The following PACRGL variants were observed in gnomAD, a reference collection of about 807,000 sequenced individuals.
The protein encoded by PACRGL is parkin coregulated like, also known as PACRG-like protein.
A neutral mutation model predicts 34.5 loss-of-function variants in PACRGL; 38 were observed. The ratio of observed to expected loss-of-function variants is 1.10; its 90% CI spans 0.85 to 1.44. The LOEUF (loss-of-function observed/expected upper bound fraction) is 1.44, where lower values mean the gene tolerates loss of function less well. Among genes scored for constraint, PACRGL ranks in the 40% most tolerant of loss-of-function variants. The pLI is 0.00. For missense variants in PACRGL, 305 were observed against 281.4 expected (o/e 1.08, Z -0.60); for synonymous variants, 128 against 100.1 (o/e 1.28, Z -1.66).
downstream of PACRGL, among the ~76,000 whole-genome samples, chr4:20,753,190 A>C (rs1350776904): frequency 1.3e-5 from 2 of 152,162 alleles, no homozygotes; most frequent in Non-Finnish European, 2.9e-5. Context: ...CAAAGGTAAA[A>C]ATAGGGACTT....
At chr4:20,739,123 G>A (rs1750431627) in intron 8 of PACRGL, among the ~76,000 whole-genome samples, 1 of 152,178 alleles carries the variant, frequency 6.6e-6, no homozygotes, top group African/African-American at 2.4e-5. Context: ...AGCTCAAGGA[G>A]GCCTGCCTGC....
the PACRGL span, chr4:20,758,791 G>A: frequency 2.9e-3 from 4,377 of 1,535,356 alleles, 110 homozygotes; most frequent in South Asian, 0.038. Context: ...AACTCTGATA[G>A]TATGTTAACA....
intron 8 of PACRGL, among the ~76,000 whole-genome samples, chr4:20,742,480 C>T (rs1481199557): frequency 6.6e-6 from 1 of 152,150 alleles, no homozygotes; most frequent in East Asian, 1.9e-4. Context: ...ATGATTATCT[C>T]AACAGACACA....
At position 20,729,619 on chromosome 4, in the gene PACRGL, T is replaced by TGTTTGTTTCCTTAAAGTATA. The variant is rs1560393784; in HGVS notation, c.*2278_*2279insGTTTGTTTCCTTAAAGTATA. On this transcript the variant is annotated 3_prime_UTR_variant, in exon 9 of 9. Coordinates refer to ENST00000503585, the MANE Select transcript of PACRGL (RefSeq NM_001258345.3). The stretch of plus-strand genomic sequence containing the variant: ...TTTCCTTAAAGTATATAAATGGAAT[T>TGTTTGTTTCCTTAAAGTATA]TAAATGGAATTACAGCATTCAAACA... 1.4e-5 allele frequency: 1 copy of TGTTTGTTTCCTTAAAGTATA among 69,920 alleles called. No individual in the cohort carries two copies. Among genetic ancestry groups the TGTTTGTTTCCTTAAAGTATA allele is most frequent in the African/African-American group, 7.5e-5 (1 of 13,320 alleles). 4.3% of individuals were successfully genotyped at this position (69,920 alleles called of 1,614,324 possible). A position where few individuals can be genotyped will look rare whatever the true frequency, so the allele number is the denominator to read the frequency against.
Position 20,727,298 on chromosome 4 carries a change from T to G in PACRGL, c.704T>G (p.Ile235Ser). 1 of 1,612,850 alleles carries G rather than the reference T, an allele frequency of 6.2e-7. No homozygotes were observed. Residue 235 changes from isoleucine (I) to serine (S), a missense_variant, in exon 9 of 9, where the codon ATC becomes AGC. Coordinates refer to ENST00000503585, the MANE Select transcript of PACRGL (RefSeq NM_001258345.3). ...TTCTGTTGACAGGGGAGCCTTAGCA[T>G]CATCAAATCTAAAATTCCAACATAC... ...EQHGGSGSLS[I>S]IKSKIPTYCS... is the part of the protein sequence containing the mutation.
chr4:20,752,409 A>T (rs767067252), intron 8 of PACRGL, among the ~76,000 whole-genome samples: 14 of 152,228 alleles, frequency 9.2e-5, no homozygotes, highest in Admixed American at 6.5e-5. Context: ...CAAAGTGTTT[A>T]GAAATAATCC....
downstream of PACRGL, among the ~76,000 whole-genome samples, chr4:20,737,502 G>A (rs1008863540): frequency 1.3e-5 from 2 of 151,730 alleles, no homozygotes; most frequent in Non-Finnish European, 2.9e-5. Context: ...GGGTAGATGG[G>A]CCGATCTGAG....
intron 7 of PACRGL, among the ~76,000 whole-genome samples, chr4:20,721,361 C>T (rs1743074572): frequency 6.6e-6 from 1 of 152,182 alleles, no homozygotes; most frequent in African/African-American, 2.4e-5. Context: ...AGTTCCGTTT[C>T]TGGTGAGGAG....
At chr4:20,745,463 T>C (rs1181464052) in intron 8 of PACRGL, among the ~76,000 whole-genome samples, 1 of 152,224 alleles carries the variant, frequency 6.6e-6, no homozygotes, top group Non-Finnish European at 1.5e-5. Flanking sequence ...ATGTGGCTTA[T>C]AAGACTTTTG....
upstream of PACRGL, chr4:20,696,620 C>T (rs1194228494): frequency 6.6e-6 from 1 of 152,214 alleles, no homozygotes; most frequent in African/African-American, 2.4e-5. Flanking sequence ...ATGACCTTTA[C>T]ATTTGGATTG....
intron 8 of PACRGL, chr4:20,749,533 T>C (rs1753193852): frequency 1.8e-6 from 1 of 552,556 alleles, no homozygotes; most frequent in African/African-American, 1.9e-5. Context: ...GGCAATTACA[T>C]GAGAGAAAGG....
Position 20,727,258 on chromosome 4 carries a change from T to C in PACRGL, c.691-27T>C, listed in dbSNP as rs993612496. The C allele has an allele frequency of 2.0e-5, 31 of 1,584,528 alleles. No homozygotes were observed. The Middle Eastern group carries it at 1.5e-3, about 76-fold the overall frequency. On this transcript the variant is annotated intron_variant, in intron 8 of 8. Transcript: ENST00000503585. Reference sequence around the variant, plus strand: ...TTAGGGGAACTCTGCATGATACTAATGATGCTCAATTTTTTTCTGTTGACA... The same window carrying C: ...TTAGGGGAACTCTGCATGATACTAACGATGCTCAATTTTTTTCTGTTGACA...
the PACRGL span, among the ~76,000 whole-genome samples, chr4:20,760,848 A>G: frequency 6.6e-6 from 1 of 152,198 alleles, no homozygotes; most frequent in African/African-American, 2.4e-5. Flanking sequence ...CAAATGAGCA[A>G]GCAAGCAAGC....
chr4:20,721,769 G>C (rs139037130), intron 7 of PACRGL, among the ~76,000 whole-genome samples: 3,057 of 152,286 alleles, frequency 0.02, 92 homozygotes, highest in African/African-American at 0.068. Flanking sequence ...CTACTCACGG[G>C]TCAGGGACCC....
In PACRGL at chr4:20,750,058, G is replaced by T. The variant is rs1483513263; in HGVS notation, c.*57-2507G>T. On this transcript the variant is annotated intron_variant, in intron 8 of 8. Transcript: ENST00000507634. ...GAAGATTGAGACTTGTCTGGAATTT[G>T]CTTAGTGTTTGGAAGAGACCATCTC... Among the ~76,000 whole-genome samples the T allele has an allele frequency of 3.3e-5, 5 of 152,190 alleles. No homozygotes were observed. In the South Asian group the frequency reaches 6.2e-4, roughly 19 times the overall value.
chr4:20,766,982 AT>A, the PACRGL span: 1 of 152,218 alleles, frequency 6.6e-6, no homozygotes, highest in Admixed American at 6.5e-5. Context: ...TGCTATAAGA[AT>A]GAATAAGATA....
Position 20,724,886 on chromosome 4 carries a change from A to C in PACRGL, c.688A>C (p.Ser230Arg). 1.8e-5 allele frequency: 26 copies of C among 1,464,264 alleles called. No individual in the cohort carries two copies. Among genetic ancestry groups the C allele is most frequent in the Non-Finnish European group, 2.3e-5 (26 of 1,113,970 alleles). The allele number at this position is 1,464,264 out of a possible 1,614,324, so 90.7% of individuals were successfully genotyped here. The change falls in exon 8 of 9, where the codon AGT becomes CGT. Residue 230 changes from serine (S) to arginine (R), a missense_variant and splice_region_variant. By Grantham distance (110) the Ser-to-Arg change is moderately radical. Transcript: ENST00000503585. ...ALQKLEQHGG[S>R]GSLSIIKSKI... ...ACAAAAGCTAGAGCAACATGGTGGA[A>C]GTGTAAGTAGAATATTATTCCTTAA...
downstream of PACRGL, among the ~76,000 whole-genome samples, chr4:20,736,683 C>T (rs77256265): frequency 0.024 from 3,648 of 152,076 alleles, 153 homozygotes; most frequent in African/African-American, 0.082. Flanking sequence ...TATTTCAATT[C>T]GCTTTTAAGC....
the PACRGL span, among the ~76,000 whole-genome samples, chr4:20,761,554 T>C: frequency 6.6e-6 from 1 of 152,164 alleles, no homozygotes; most frequent in Non-Finnish European, 1.5e-5. Flanking sequence ...AGAGAGTAAA[T>C]ACCTGGCTCT....
Sources: allele counts gnomAD v4.1 joint callset (sites outside exome capture counted in the v4.1 genomes callset), GRCh38; gene constraint gnomAD v4.1.1; transcripts MANE v1.5; gene names NCBI Gene and HGNC (gene_info 2026-07-23, HGNC 2026-07-21).